LRRC4C: variants seen among roughly 807,000 people sequenced by gnomAD.
LRRC4C encodes the protein leucine rich repeat containing 4C.
A neutral mutation model predicts 33.6 loss-of-function variants in LRRC4C; 5 were observed. The observed-to-expected ratio is 0.15, with a 90% CI of 0.08 to 0.31. The LOEUF (loss-of-function observed/expected upper bound fraction) is 0.31. Among genes scored for constraint, LRRC4C ranks in the 10% least tolerant of loss-of-function variants. The pLI is 1.00. For missense variants in LRRC4C, 560 were observed against 796.7 expected, an observed-to-expected ratio of 0.70 and a Z score of 3.58; for synonymous variants, 329 against 302.0, an observed-to-expected ratio of 1.09 and a Z score of -0.93.
chr11:40,966,359 G>T (rs923049584), intron 1 of LRRC4C, among the ~76,000 whole-genome samples: 1 of 151,890 alleles, frequency 6.6e-6, no homozygotes, highest in African/African-American at 2.4e-5. Flanking sequence ...GCCCACTGAG[G>T]TTCTGTTCTT....
chr11:40,870,354 A>C lies in LRRC4C; in HGVS notation c.-407+63281T>G, dbSNP rs373346951. Among the ~76,000 whole-genome samples, 3 of 152,198 alleles carry C rather than the reference A, an allele frequency of 2.0e-5. No individual in the cohort carries two copies. In the East Asian group the frequency reaches 5.8e-4, roughly 29 times the overall value. On this transcript the variant is annotated intron_variant, in intron 2 of 6. Coordinates refer to ENST00000528697, the MANE Select transcript of LRRC4C (RefSeq NM_001258419.2). Reference sequence around the variant, plus strand: ...GGATATGGTGTGGAGGATAGTATGTACCTGGTATATGCACCTATTGTGAAT... The same window carrying C: ...GGATATGGTGTGGAGGATAGTATGTCCCTGGTATATGCACCTATTGTGAAT...
chr11:40,628,265 C>G (rs901097879), intron 3 of LRRC4C, among the ~76,000 whole-genome samples: 5 of 152,112 alleles, frequency 3.3e-5, no homozygotes, highest in Admixed American at 3.3e-4. Flanking sequence ...ATCACGAGGT[C>G]AGGAGATCGA....
intron 1 of LRRC4C, among the ~76,000 whole-genome samples, chr11:41,359,373 A>G (rs1407139953): frequency 2.0e-5 from 3 of 152,152 alleles, no homozygotes; most frequent in Non-Finnish European, 4.4e-5. Context: ...TCAATGTAGG[A>G]TAATCAACTG....
chr11:40,345,270 G>T (rs1237818712), intron 3 of LRRC4C, among the ~76,000 whole-genome samples: 1 of 152,078 alleles, frequency 6.6e-6, no homozygotes, highest in African/African-American at 2.4e-5. Flanking sequence ...AACAAAGCTG[G>T]AGGCATCACA....
chr11:40,533,497 T>G (rs974043029), intron 3 of LRRC4C, among the ~76,000 whole-genome samples: 1 of 152,004 alleles, frequency 6.6e-6, no homozygotes, highest in African/African-American at 2.4e-5. Flanking sequence ...AGAATTGACC[T>G]CAAAGGTTTA....
chr11:41,088,369 A>T (rs115502382), intron 1 of LRRC4C, among the ~76,000 whole-genome samples: 1 of 152,152 alleles, frequency 6.6e-6, no homozygotes, highest in African/African-American at 2.4e-5. Flanking sequence ...ATTAAAGGAG[A>T]TTGTATGTAA....
intron 3 of LRRC4C, among the ~76,000 whole-genome samples, chr11:40,547,863 T>G (rs142403907): frequency 1.3e-5 from 2 of 152,198 alleles, no homozygotes; most frequent in Non-Finnish European, 2.9e-5. Context: ...ATATAAAACA[T>G]AAGATAACAT....
intron 1 of LRRC4C, among the ~76,000 whole-genome samples, chr11:41,201,365 G>A (rs967919588): frequency 2.0e-5 from 3 of 152,150 alleles, no homozygotes; most frequent in African/African-American, 7.2e-5. Flanking sequence ...GACACCTAGT[G>A]GCGGCTCTAG....
intron 2 of LRRC4C, among the ~76,000 whole-genome samples, chr11:40,929,485 T>C (rs1046467064): frequency 6.6e-6 from 1 of 152,128 alleles, no homozygotes; most frequent in Non-Finnish European, 1.5e-5. Context: ...AAAAATTAAA[T>C]GGGGAAAAAT....
intron 6 of LRRC4C, among the ~76,000 whole-genome samples, chr11:40,120,240 C>T (rs1157568443): frequency 2.6e-5 from 4 of 152,160 alleles, no homozygotes; most frequent in Admixed American, 2.6e-4. Flanking sequence ...AGGCCTGGCT[C>T]ATCATGTCAG....
At chr11:41,342,754 A>G (rs1298838339) in intron 1 of LRRC4C, among the ~76,000 whole-genome samples, 1 of 152,142 alleles carries the variant, frequency 6.6e-6, no homozygotes, top group Non-Finnish European at 1.5e-5. Flanking sequence ...AAACTCACTT[A>G]CAGTGTATTT....
intron 3 of LRRC4C, among the ~76,000 whole-genome samples, chr11:40,574,556 A>T (rs1287796141): frequency 1.3e-5 from 2 of 152,310 alleles, no homozygotes; most frequent in East Asian, 3.9e-4. Context: ...ATATGGATAA[A>T]TATTTTAAAA....
chr11:41,377,057 G>T lies in LRRC4C; in HGVS notation c.-496+82374C>A, dbSNP rs74348298. Among the ~76,000 whole-genome samples, 19 of 152,272 alleles carry T rather than the reference G, an allele frequency of 1.2e-4. No homozygotes were observed. In the East Asian group the frequency reaches 3.1e-3, roughly 25 times the overall value. On this transcript the variant is annotated intron_variant, in intron 1 of 6. Transcript: ENST00000528697. ...TTTATTTTTGGAGCCATATGTCCAA[G>T]AAATGCTCATATGATATATGCAGTT... is the stretch of plus-strand genomic sequence containing the variant.
At chr11:40,794,179 C>G (rs561977626) in intron 2 of LRRC4C, among the ~76,000 whole-genome samples, 1 of 151,992 alleles carries the variant, frequency 6.6e-6, no homozygotes, top group South Asian at 2.1e-4. Context: ...AGCAGTCCCC[C>G]GTAAATAGCA....
chr11:41,177,121 A>C (rs1945238912), intron 1 of LRRC4C, among the ~76,000 whole-genome samples: 1 of 152,190 alleles, frequency 6.6e-6, no homozygotes, highest in Non-Finnish European at 1.5e-5. Context: ...AAGAGGTTTT[A>C]GCCAAAGGGA....
chr11:40,348,008 T>C (rs1947213077), intron 3 of LRRC4C, among the ~76,000 whole-genome samples: 1 of 152,190 alleles, frequency 6.6e-6, no homozygotes, highest in African/African-American at 2.4e-5. Flanking sequence ...AAGGGAGAGA[T>C]ATGACCAGTT....
At chr11:40,410,638 A>G (rs912096632) in intron 3 of LRRC4C, among the ~76,000 whole-genome samples, 3 of 152,200 alleles carry the variant, frequency 2.0e-5, no homozygotes, top group Non-Finnish European at 2.9e-5. Context: ...GGGTGTCTCC[A>G]TGATCTAAGT....
chr11:40,457,150 G>T (rs1590800298), intron 3 of LRRC4C, among the ~76,000 whole-genome samples: 1 of 145,820 alleles, frequency 6.9e-6, no homozygotes, highest in Non-Finnish European at 1.5e-5. Context: ...ATATACCTCA[G>T]CAATTTTTTT....
chr11:40,228,916 A>C (rs1301895255), intron 5 of LRRC4C, among the ~76,000 whole-genome samples: 1 of 152,240 alleles, frequency 6.6e-6, no homozygotes, highest in African/African-American at 2.4e-5. Context: ...AGGACCAATG[A>C]ATATGTATAT....
Sources: gnomAD v4.1 joint callset for allele counts (sites outside exome capture counted in the v4.1 genomes callset) on GRCh38, gnomAD v4.1.1 for gene constraint, MANE v1.5 for transcripts, NCBI Gene and HGNC (gene_info 2026-07-23, HGNC 2026-07-21) for gene names.